Variants in SYNPO2 observed in about 807,000 individuals in gnomAD.
The protein encoded by SYNPO2 is synaptopodin-2.
SYNPO2 carries 56 observed loss-of-function variants against 85.0 expected under a neutral mutation model. The ratio of observed to expected loss-of-function variants is 0.66; its 90% CI spans 0.53 to 0.82. SYNPO2 has a LOEUF of 0.82. Among genes scored for constraint, SYNPO2 ranks in the 40% least tolerant of loss-of-function variants. The probability of loss-of-function intolerance (pLI) is 0.00; values close to 1 mark genes in which losing one functional copy is unlikely to be tolerated. For synonymous variants in SYNPO2, 602 were observed against 591.1 expected (o/e 1.02, Z -0.27); for missense variants, 1,575 against 1,534.2 (o/e 1.03, Z -0.44).
At chr4:119,021,019 T>A (rs1737699619) in intron 1 of SYNPO2, among the ~76,000 whole-genome samples, 1 of 152,180 alleles carries the variant, frequency 6.6e-6, no homozygotes, top group Non-Finnish European at 1.5e-5. Flanking sequence ...TGTTTTCCAA[T>A]AAATTAGTAT....
intron 1 of SYNPO2, among the ~76,000 whole-genome samples, chr4:118,947,934 C>T (rs1734561106): frequency 6.6e-6 from 1 of 152,090 alleles, no homozygotes; most frequent in Non-Finnish European, 1.5e-5. Context: ...TTGCTTAATG[C>T]CACTTTAGTT....
At position 119,031,646 on chromosome 4, in the gene SYNPO2, A is replaced by G. The variant is rs1423008361; in HGVS notation, c.2871A>G (p.Lys957=). The change falls in exon 4 of 5, where the codon AAA becomes AAG. Residue 957 remains lysine (K), a synonymous_variant. Transcript: ENST00000307142. ...PSKMGKKKGK[K]PLNALDVMKH... is the part of the protein sequence containing the mutation. ...AAATGGGCAAGAAAAAGGGAAAGAA[A>G]CCCCTCAATGCATTAGATGTCATGA... 6.2e-7 allele frequency: 1 copy of G among 1,613,922 alleles called. No individual in the cohort carries two copies. Among genetic ancestry groups the G allele is most frequent in the South Asian group, 1.1e-5 (1 of 91,080 alleles).
At chr4:119,023,068 G>A (rs1217014027) in intron 1 of SYNPO2, among the ~76,000 whole-genome samples, 2 of 152,122 alleles carry the variant, frequency 1.3e-5, no homozygotes, top group Admixed American at 1.3e-4. Context: ...AAGCCACCAC[G>A]CCTGGCCTGA....
chr4:118,905,222 T>C (rs2149121055), intron 1 of SYNPO2, among the ~76,000 whole-genome samples: 1 of 152,330 alleles, frequency 6.6e-6, no homozygotes, highest in Non-Finnish European at 1.5e-5. Flanking sequence ...ATGTTCTTCA[T>C]GATATCCAAT....
At chr4:119,039,031 TTAA>T (rs1202532776) in intron 4 of SYNPO2, among the ~76,000 whole-genome samples, 7 of 152,178 alleles carry the variant, frequency 4.6e-5, no homozygotes, top group African/African-American at 1.7e-4. Flanking sequence ...AGCTTCTAGG[TTAA>T]TTGTAAAAAC....
chr4:119,047,430 A>T (rs978051928), intron 4 of SYNPO2, among the ~76,000 whole-genome samples: 3 of 152,208 alleles, frequency 2.0e-5, no homozygotes, highest in African/African-American at 7.2e-5. Flanking sequence ...ATTAGTCCTG[A>T]TTATGTGCCC....
intron 1 of SYNPO2, among the ~76,000 whole-genome samples, chr4:118,999,718 T>G (rs1736754102): frequency 6.6e-6 from 1 of 152,144 alleles, no homozygotes. Context: ...AATAATCAGG[T>G]GAAGGGCTTC....
chr4:119,030,607 G>C lies in SYNPO2; in HGVS notation c.1832G>C (p.Ser611Thr), dbSNP rs760441872. Reference sequence around the variant, plus strand: ...TTCTCGCCAACCCGAAACATGACGAGTCCCATTGCTGACTTTCCTGCACCT... The same window carrying C: ...TTCTCGCCAACCCGAAACATGACGACTCCCATTGCTGACTTTCCTGCACCT... ...TPFSPTRNMT[S>T]PIADFPAPPP... The change falls in exon 4 of 5, where the codon AGT becomes ACT. Residue 611 changes from serine to threonine, a missense_variant. Around this residue, in one of 3 missense-constraint regions of SYNPO2, gnomAD observed 1,508 missense variants for 1,446.8 expected, o/e 1.04. Coordinates refer to ENST00000307142, the MANE Select transcript of SYNPO2 (RefSeq NM_133477.3). The C allele has an allele frequency of 6.2e-7, 1 of 1,614,062 alleles. No homozygotes were observed. Among genetic ancestry groups the C allele is most frequent in the Non-Finnish European group, 8.5e-7 (1 of 1,180,032 alleles).
rs140875465 is a variant in SYNPO2 at position 118,894,874 on chromosome 4, AT to A, written c.105+5734del. On this transcript the variant is annotated intron_variant, in intron 1 of 4. Transcript: ENST00000307142. Reference sequence around the variant, plus strand: ...AAGAAGAAAAAGAAAGAGGAAGAATATACACTTCTTGTTATGCCCAGTCAAA... The same window carrying A: ...AAGAAGAAAAAGAAAGAGGAAGAATAACACTTCTTGTTATGCCCAGTCAAA... 1.1e-3 allele frequency among the ~76,000 whole-genome samples: 174 copies of A among 152,100 alleles called. 1 individual carries two copies. The highest frequency in any genetic ancestry group is 3.7e-3 in the African/African-American group (152 of 41,516).
intron 1 of SYNPO2, among the ~76,000 whole-genome samples, chr4:118,913,241 A>G (rs1293863724): frequency 6.6e-6 from 1 of 152,180 alleles, no homozygotes; most frequent in African/African-American, 2.4e-5. Flanking sequence ...ACAAATCATG[A>G]AAAAATTAAT....
chr4:118,913,948 G>A (rs538488347), intron 1 of SYNPO2, among the ~76,000 whole-genome samples: 58 of 152,240 alleles, frequency 3.8e-4, no homozygotes, highest in African/African-American at 1.4e-3. Context: ...ATGTGGAAAT[G>A]GATCAAAGGG....
At position 119,026,960 on chromosome 4, in the gene SYNPO2, T is replaced by A; in HGVS notation, c.591T>A (p.Val197=). The change falls in exon 3 of 5, where the codon GTT becomes GTA. Residue 197 remains valine (V), a synonymous_variant. Transcript: ENST00000307142. ...KVEAVQPGPV[V]ELQLSLSQER... ...AAGCGGTACAGCCTGGGCCTGTGGT[T>A]GAGCTGCAACTGTCCCTTTCACAGG... 6.2e-7 allele frequency: 1 copy of A among 1,614,132 alleles called. No homozygotes were observed. The highest frequency in any genetic ancestry group is 1.3e-5 in the African/African-American group (1 of 75,026).
chr4:118,941,269 T>A (rs972669343), intron 1 of SYNPO2, among the ~76,000 whole-genome samples: 2 of 152,198 alleles, frequency 1.3e-5, no homozygotes, highest in Non-Finnish European at 2.9e-5. Flanking sequence ...GTTCCTCATC[T>A]TGAACATCTT....
chr4:118,944,972 C>T (rs527796848), intron 1 of SYNPO2, among the ~76,000 whole-genome samples: 13 of 152,290 alleles, frequency 8.5e-5, no homozygotes, highest in Admixed American at 6.5e-4. Context: ...TTGTGCATGA[C>T]CTTGGACTAG....
chr4:119,035,392 T>C, intron 4 of SYNPO2: 5 of 985,448 alleles, frequency 5.1e-6, no homozygotes, highest in Non-Finnish European at 6.0e-6. Flanking sequence ...AATCTGAGCA[T>C]TGCCACTTTA....
chr4:118,892,169 A>C (rs1389395155), intron 1 of SYNPO2, among the ~76,000 whole-genome samples: 1 of 152,194 alleles, frequency 6.6e-6, no homozygotes, highest in African/African-American at 2.4e-5. Context: ...CAAACCCCAA[A>C]TTTTAAAGAT....
intron 4 of SYNPO2, chr4:119,037,348 T>G: frequency 8.0e-7 from 1 of 1,254,034 alleles, no homozygotes; most frequent in Non-Finnish European, 1.0e-6. Flanking sequence ...TTGAAAAAAT[T>G]TCAAAAATCA....
chr4:119,002,639 C>T (rs545997731), intron 1 of SYNPO2, among the ~76,000 whole-genome samples: 164 of 152,248 alleles, frequency 1.1e-3, no homozygotes, highest in Non-Finnish European at 2.1e-3. Context: ...AGCTATCTTC[C>T]TGGAGTCTCT....
intron 4 of SYNPO2, among the ~76,000 whole-genome samples, chr4:119,047,107 C>A (rs527369973): frequency 9.9e-4 from 151 of 152,200 alleles, no homozygotes; most frequent in African/African-American, 3.4e-3. Flanking sequence ...GTTGCCCAGG[C>A]TAGAGTGCAA....
Sources: gnomAD v4.1 joint callset for allele counts (sites outside exome capture counted in the v4.1 genomes callset) on GRCh38, gnomAD v4.1.1 for gene constraint, gnomAD v4.1.1 regional missense constraint, MANE v1.5 for transcripts, NCBI Gene and HGNC (gene_info 2026-07-23, HGNC 2026-07-21) for gene names.